The following RANBP2 variants were observed in gnomAD, a reference collection of about 807,000 sequenced individuals.
The protein encoded by RANBP2 is E3 SUMO-protein ligase RanBP2.
Under a neutral mutation model 303.6 loss-of-function variants are expected in RANBP2, and 57 were observed. That is an observed-to-expected ratio of 0.19 (90% CI 0.15 to 0.23). The LOEUF (loss-of-function observed/expected upper bound fraction) is 0.23, where lower values mean the gene tolerates loss of function less well. Among genes scored for constraint, RANBP2 ranks in the 10% least tolerant of loss-of-function variants. The probability of loss-of-function intolerance (pLI) is 1.00; values close to 1 mark genes in which losing one functional copy is unlikely to be tolerated. For missense variants in RANBP2, 3,138 were observed against 3,780.8 expected (o/e 0.83, Z 4.46); for synonymous variants, 1,167 against 1,301.5 (o/e 0.90, Z 2.23).
At chr2:109,650,008 C>T in the RANBP2 span, among the ~76,000 whole-genome samples, 2 of 152,174 alleles carry the variant, frequency 1.3e-5, no homozygotes, top group Non-Finnish European at 2.9e-5. Context: ...CTGCAATGAT[C>T]CTAAAGTTTC....
chr2:109,220,148 C>G, the RANBP2 span, among the ~76,000 whole-genome samples: 1 of 152,162 alleles, frequency 6.6e-6, no homozygotes, highest in Non-Finnish European at 1.5e-5. Flanking sequence ...GGTTTTTCAA[C>G]AAAGAAGCCA....
At chr2:108,799,394 A>G in the RANBP2 span, among the ~76,000 whole-genome samples, 1 of 152,190 alleles carries the variant, frequency 6.6e-6, no homozygotes, top group East Asian at 1.9e-4. Flanking sequence ...AATCACAACC[A>G]TCAACAAGAT....
chr2:108,741,316 T>C (rs826565), intron 7 of RANBP2, among the ~76,000 whole-genome samples: 54,057 of 148,692 alleles, frequency 0.36, 13,012 homozygotes, highest in African/African-American at 0.69. Context: ...CCTGCCTCAG[T>C]CTCCCGAGTA....
At chr2:109,385,419 A>G in the RANBP2 span, among the ~76,000 whole-genome samples, 1 of 150,332 alleles carries the variant, frequency 6.7e-6, no homozygotes, top group Non-Finnish European at 1.5e-5. Flanking sequence ...GTCCTGTTGC[A>G]AAAATGCATT....
At chr2:109,556,240 T>C in the RANBP2 span, among the ~76,000 whole-genome samples, 1 of 152,226 alleles carries the variant, frequency 6.6e-6, no homozygotes, top group Non-Finnish European at 1.5e-5. Context: ...CACTGAGCCC[T>C]TCCATTTGGG....
the RANBP2 span, among the ~76,000 whole-genome samples, chr2:109,063,298 C>A: frequency 5.3e-5 from 8 of 152,242 alleles, no homozygotes; most frequent in South Asian, 6.2e-4. Flanking sequence ...TACGGTGGAA[C>A]CTTTGAGCAT....
At chr2:108,950,211 C>T in the RANBP2 span, among the ~76,000 whole-genome samples, 1 of 144,242 alleles carries the variant, frequency 6.9e-6, no homozygotes, top group African/African-American at 2.5e-5. Flanking sequence ...CTACCTCCCT[C>T]CCTCCCTCCC....
the RANBP2 span, among the ~76,000 whole-genome samples, chr2:109,135,995 T>C: frequency 5.1e-4 from 78 of 152,290 alleles, no homozygotes; most frequent in African/African-American, 1.3e-3. Context: ...CCGTCATCCG[T>C]AGGACACAAT....
At chr2:108,934,307 AG>A in the RANBP2 span, among the ~76,000 whole-genome samples, 2 of 152,182 alleles carry the variant, frequency 1.3e-5, no homozygotes, top group African/African-American at 4.8e-5. Context: ...AGATACAGGC[AG>A]GAGGTGGGCC....
At chr2:109,201,127 T>C in the RANBP2 span, among the ~76,000 whole-genome samples, 1 of 152,236 alleles carries the variant, frequency 6.6e-6, no homozygotes, top group Non-Finnish European at 1.5e-5. Context: ...TTATTTTATA[T>C]CAGGTACGGC....
the RANBP2 span, among the ~76,000 whole-genome samples, chr2:109,242,363 C>A: frequency 2.0e-5 from 3 of 152,192 alleles, no homozygotes; most frequent in Non-Finnish European, 2.9e-5. Flanking sequence ...ACACTGAGGA[C>A]CTTGTCTCCT....
the RANBP2 span, among the ~76,000 whole-genome samples, chr2:109,283,785 G>T: frequency 6.6e-6 from 1 of 152,320 alleles, no homozygotes; most frequent in African/African-American, 2.4e-5. Flanking sequence ...TTGGCTCTCT[G>T]CCTGGCTCCT....
At chr2:108,876,045 TC>T in the RANBP2 span, 1 of 1,320,450 alleles carries the variant, frequency 7.6e-7, no homozygotes, top group African/African-American at 1.5e-5. Flanking sequence ...AGATAAACTC[TC>T]TAAGTATGTG....
the RANBP2 span, among the ~76,000 whole-genome samples, chr2:109,177,442 T>G: frequency 6.6e-6 from 1 of 152,206 alleles, no homozygotes; most frequent in Non-Finnish European, 1.5e-5. Context: ...TTGGGGCCTG[T>G]GATCTGCCAG....
At chr2:109,189,922 A>T in the RANBP2 span, among the ~76,000 whole-genome samples, 1 of 152,148 alleles carries the variant, frequency 6.6e-6, no homozygotes, top group Non-Finnish European at 1.5e-5. Context: ...TGCCTAATGG[A>T]TGCCTCCATG....
the RANBP2 span, among the ~76,000 whole-genome samples, chr2:109,246,763 C>T: frequency 6.6e-6 from 1 of 152,208 alleles, no homozygotes; most frequent in Non-Finnish European, 1.5e-5. Context: ...GGAGATGATA[C>T]CTGAGCCTGG....
chr2:109,212,759 T>TCCCCCACCCGTCAGTTCCCTCTG, the RANBP2 span, among the ~76,000 whole-genome samples: 1 of 152,124 alleles, frequency 6.6e-6, no homozygotes, highest in Non-Finnish European at 1.5e-5. Flanking sequence ...AGCAGCCTTC[T>TCCCCCACCCGTCAGTTCCCTCTG]CCCCCACCCG....
chr2:109,314,104 A>G, the RANBP2 span, among the ~76,000 whole-genome samples: 3 of 152,082 alleles, frequency 2.0e-5, no homozygotes, highest in Non-Finnish European at 4.4e-5. Flanking sequence ...TGGGGGACAC[A>G]GTAGCGGAAA....
the RANBP2 span, among the ~76,000 whole-genome samples, chr2:109,082,825 C>CTT: frequency 2.4e-3 from 293 of 123,790 alleles, 6 homozygotes; most frequent in African/African-American, 6.3e-3. Context: ...GACCCCATGT[C>CTT]TTTTTTTTTT....
Sources: allele counts gnomAD v4.1 joint callset (sites outside exome capture counted in the v4.1 genomes callset), GRCh38; gene constraint gnomAD v4.1.1; transcripts MANE v1.5; gene names NCBI Gene and HGNC (gene_info 2026-07-23, HGNC 2026-07-21).